PTPRM: variants seen among roughly 807,000 people sequenced by gnomAD.
The protein encoded by PTPRM is protein tyrosine phosphatase receptor type M.
PTPRM carries 47 observed loss-of-function variants against 186.7 expected under a neutral mutation model. The ratio of observed to expected loss-of-function variants is 0.25; its 90% CI spans 0.20 to 0.32. PTPRM has a LOEUF of 0.32. Ranked by LOEUF, PTPRM falls within the 10% of genes least tolerant of loss-of-function variation. The pLI is 1.00. For missense variants in PTPRM, 1,494 were observed against 1,865.0 expected (o/e 0.80, Z 3.66); for synonymous variants, 668 against 674.9 (o/e 0.99, Z 0.16).
chr18:8,258,416 C>T (rs753063383), intron 19 of PTPRM, among the ~76,000 whole-genome samples: 12 of 152,150 alleles, frequency 7.9e-5, no homozygotes, highest in Non-Finnish European at 1.5e-4. Context: ...GCCCTGAACC[C>T]TCACACCCAG....
chr18:8,183,348 G>A (rs2093601983), intron 14 of PTPRM, among the ~76,000 whole-genome samples: 1 of 151,960 alleles, frequency 6.6e-6, no homozygotes, highest in Non-Finnish European at 1.5e-5. Context: ...TTTCTTATCA[G>A]AATCACCATT....
intron 1 of PTPRM, among the ~76,000 whole-genome samples, chr18:7,669,762 G>A (rs2039176752): frequency 6.6e-6 from 1 of 152,002 alleles, no homozygotes; most frequent in Non-Finnish European, 1.5e-5. Context: ...TGCTCTTGTT[G>A]CCCAGGCTGG....
chr18:7,705,897 T>G (rs190779073), intron 1 of PTPRM, among the ~76,000 whole-genome samples: 84 of 150,656 alleles, frequency 5.6e-4, no homozygotes, highest in African/African-American at 1.9e-3. Flanking sequence ...GTTTTCATGT[T>G]TTTCTTACAG....
At chr18:7,644,782 T>G (rs1184570481) in intron 1 of PTPRM, among the ~76,000 whole-genome samples, 1 of 152,176 alleles carries the variant, frequency 6.6e-6, no homozygotes, top group African/African-American at 2.4e-5. Context: ...TGAGTGGGTA[T>G]TCTAATTAGC....
At chr18:7,955,983 C>T (rs1468336929) in intron 7 of PTPRM, among the ~76,000 whole-genome samples, 1 of 152,128 alleles carries the variant, frequency 6.6e-6, no homozygotes, top group African/African-American at 2.4e-5. Flanking sequence ...TTGTGCTAAA[C>T]CCATTCCGCA....
intron 11 of PTPRM, among the ~76,000 whole-genome samples, chr18:8,100,684 C>T (rs967624599): frequency 7.0e-4 from 106 of 152,170 alleles, no homozygotes; most frequent in African/African-American, 2.4e-3. Flanking sequence ...TTGTAAAATT[C>T]GCATCAAGTA....
At chr18:8,394,691 A>T in intron 32 of PTPRM, 80 bp downstream of exon 32, 1 of 1,399,578 alleles carries the variant, frequency 7.1e-7, no homozygotes, top group Non-Finnish European at 9.6e-7. Flanking sequence ...TTTGCAGGGA[A>T]ACTGATGCGT....
intron 1 of PTPRM, among the ~76,000 whole-genome samples, chr18:7,742,371 G>T (rs758485274): frequency 6.6e-6 from 1 of 152,002 alleles, no homozygotes; most frequent in South Asian, 2.1e-4. Context: ...GATTTTCTTC[G>T]ATCTGATTGT....
intron 2 of PTPRM, among the ~76,000 whole-genome samples, chr18:7,833,978 TAGG>T (rs2045896238): frequency 6.6e-6 from 1 of 152,202 alleles, no homozygotes; most frequent in Non-Finnish European, 1.5e-5. Context: ...TTGTTCTAGC[TAGG>T]ACTTCCAGTA....
At chr18:7,896,204 A>C (rs546769564) in intron 3 of PTPRM, among the ~76,000 whole-genome samples, 30 of 152,204 alleles carry the variant, frequency 2.0e-4, no homozygotes, top group African/African-American at 7.2e-4. Flanking sequence ...TGATTTAGAC[A>C]TTGATTTTTT....
intron 4 of PTPRM, among the ~76,000 whole-genome samples, chr18:7,909,692 G>T (rs1201458423): frequency 7.6e-6 from 1 of 131,080 alleles, no homozygotes; most frequent in African/African-American, 2.8e-5. Context: ...CTGCAAAATT[G>T]CTGAATCTCA....
chr18:7,753,547 T>C (rs577460103), intron 1 of PTPRM, among the ~76,000 whole-genome samples: 2 of 152,176 alleles, frequency 1.3e-5, no homozygotes, highest in African/African-American at 4.8e-5. Flanking sequence ...GGTAGGGTTG[T>C]TGAGTATGAG....
chr18:7,731,714 G>A (rs2040662790), intron 1 of PTPRM, among the ~76,000 whole-genome samples: 1 of 152,134 alleles, frequency 6.6e-6, no homozygotes, highest in Admixed American at 6.6e-5. Context: ...TTAGGATTAA[G>A]GGAGAGGGGA....
intron 19 of PTPRM, among the ~76,000 whole-genome samples, chr18:8,291,930 A>G (rs1474613744): frequency 1.3e-5 from 2 of 152,136 alleles, no homozygotes; most frequent in Non-Finnish European, 2.9e-5. Context: ...GGAAGGAAGA[A>G]TAAAGGAAGT....
At chr18:8,125,535 A>AT (rs980015843) in intron 13 of PTPRM, among the ~76,000 whole-genome samples, 46 of 152,110 alleles carry the variant, frequency 3.0e-4, no homozygotes, top group African/African-American at 1.1e-3. Context: ...ATTCTTTTTC[A>AT]TTTTTTTAAA....
chr18:7,924,953 T>A (rs75133855), intron 4 of PTPRM, among the ~76,000 whole-genome samples: 1 of 152,306 alleles, frequency 6.6e-6, no homozygotes, highest in African/African-American at 2.4e-5. Context: ...TTGTTCTTTT[T>A]CTTACACTTA....
chr18:8,055,867 G>A (rs566960307), intron 7 of PTPRM, among the ~76,000 whole-genome samples: 9 of 152,236 alleles, frequency 5.9e-5, no homozygotes, highest in African/African-American at 1.9e-4. Context: ...CATCATATTT[G>A]GCTTCCCTGC....
intron 19 of PTPRM, among the ~76,000 whole-genome samples, chr18:8,280,521 A>G (rs942931958): frequency 6.6e-6 from 1 of 152,180 alleles, no homozygotes; most frequent in Non-Finnish European, 1.5e-5. Flanking sequence ...TGGGCAAGGC[A>G]TCAGCCTCAT....
intron 11 of PTPRM, among the ~76,000 whole-genome samples, chr18:8,101,945 T>A (rs2145553973): frequency 6.6e-6 from 1 of 152,318 alleles, no homozygotes; most frequent in South Asian, 2.1e-4. Flanking sequence ...CAGGCATATC[T>A]TGGAGTTATT....
Sources: gnomAD v4.1 joint callset for allele counts (sites outside exome capture counted in the v4.1 genomes callset) on GRCh38, gnomAD v4.1.1 for gene constraint, MANE v1.5 for transcripts, NCBI Gene and HGNC (gene_info 2026-07-23, HGNC 2026-07-21) for gene names.